The following DUS3L variants were observed in gnomAD, a reference collection of about 807,000 sequenced individuals.
The protein encoded by DUS3L is tRNA-dihydrouridine(47) synthase [NAD(P)(+)]-like.
DUS3L carries 62 observed loss-of-function variants against 74.6 expected under a neutral mutation model. The ratio of observed to expected loss-of-function variants is 0.83; its 90% CI spans 0.68 to 1.03. The LOEUF is 1.03. Ranked by LOEUF, DUS3L falls within the 50% of genes least tolerant of loss-of-function variation. DUS3L has a pLI of 0.00. For synonymous variants in DUS3L, 433 were observed against 395.7 expected (o/e 1.09, Z -1.12); for missense variants, 884 against 924.4 (o/e 0.96, Z 0.57).
chr19:5,788,561 T>C (rs2056877724), intron 3 of DUS3L, among the ~76,000 whole-genome samples, 163 bp from the exon 4 acceptor site: 1 of 152,128 alleles, frequency 6.6e-6, no homozygotes, highest in Admixed American at 6.6e-5. Context: ...ATCAGGAATG[T>C]TCCTTTCCTC....
chr19:5,788,015 G>C lies in DUS3L; in HGVS notation c.1095+9C>G. On this transcript the variant is annotated intron_variant, in intron 5 of 12. Transcript: ENST00000309061. The stretch of plus-strand genomic sequence containing the variant: ...CCTCCACTCTCCCTCCCTCGGGGTG[G>C]GCACTGACCTGGACGCCAAAGATGT... 6.2e-7 allele frequency: 1 copy of C among 1,611,982 alleles called. No homozygotes were observed. The highest frequency in any genetic ancestry group is 8.5e-7 in the Non-Finnish European group (1 of 1,179,768).
Position 5,785,406 on chromosome 19 carries a change from C to T in DUS3L, c.1857G>A (p.Lys619=). The T allele has an allele frequency of 6.3e-6, 10 of 1,595,762 alleles. No individual in the cohort carries two copies. The highest frequency in any genetic ancestry group is 7.7e-6 in the Non-Finnish European group (9 of 1,170,600). ...ACCTGATGCGGATCCAGTCGGCTGC[C>T]TTCTGGCTGGCCATCAGCGTCTCCA... ...DYLETLMASQ[K]AADWIRISEM... Residue 619 remains lysine, a synonymous_variant, in exon 12 of 13, where the codon AAG becomes AAA. Transcript: ENST00000309061.
At position 5,789,574 on chromosome 19, in the gene DUS3L, C is replaced by A; in HGVS notation, c.533G>T (p.Arg178Leu). The A allele has an allele frequency of 1.3e-6, 2 of 1,587,924 alleles. No homozygotes were observed. The highest frequency in any genetic ancestry group is 1.7e-6 in the Non-Finnish European group (2 of 1,170,182). ...FGRCPYGVTC[R>L]FAGAHLRPEG... ...GGGCCTCAGGTGGGCCCCAGCGAAGCGGCAGGTCACGCCGTAGGGGCACCG... is the reference window on the plus strand; with the variant it reads ...GGGCCTCAGGTGGGCCCCAGCGAAGAGGCAGGTCACGCCGTAGGGGCACCG... The change falls in exon 3 of 13, where the codon CGC (arginine) becomes CTC (leucine). Residue 178 changes from arginine to leucine, a missense_variant. Physicochemically the swap from Arg to Leu is moderately radical, Grantham distance 102 (BLOSUM62 -2). Coordinates refer to ENST00000309061, the MANE Select transcript of DUS3L (RefSeq NM_020175.3).
At position 5,787,100 on chromosome 19, in the gene DUS3L, C is replaced by T. The variant is rs1255162778; in HGVS notation, c.1350G>A (p.Leu450=). ...CGCCCCAGTCCCGCAGCTCGGGCAG[C>T]AGGCGGTGCGCCAGGTTCACACGCT... ...VQERVNLAHR[L]LPELRDWGVA... The change falls in exon 8 of 13, where the codon CTG becomes CTA. Residue 450 remains leucine, a synonymous_variant. Coordinates refer to ENST00000309061, the MANE Select transcript of DUS3L (RefSeq NM_020175.3). 9.7e-7 allele frequency: 1 copy of T among 1,033,732 alleles called. No individual in the cohort carries two copies. 64.0% of individuals were successfully genotyped at this position (1,033,732 alleles called of 1,614,324 possible).
At chr19:5,786,333 C>T in intron 10 of DUS3L, 134 bp downstream of exon 10, 1 of 814,594 alleles carries the variant, frequency 1.2e-6, no homozygotes, top group East Asian at 2.7e-5. Flanking sequence ...AGCTGCAACT[C>T]CTGACATCGC....
Position 5,789,729 on chromosome 19 carries a change from A to G in DUS3L, c.388-10T>C. ...ACTTAGCAGCCGACTCCTGCGAGGA[A>G]ACAGGGAAGCAGTGAGGGAGGACAG... On this transcript the variant is annotated splice_polypyrimidine_tract_variant and intron_variant, in intron 2 of 12. Transcript: ENST00000309061. The G allele has an allele frequency of 6.3e-7, 1 of 1,592,460 alleles. No homozygotes were observed. Among genetic ancestry groups the G allele is most frequent in the South Asian group, 1.1e-5 (1 of 88,012 alleles).
chr19:5,790,859 G>C (rs1390402082), intron 1 of DUS3L, 185 bp downstream of exon 1: 1 of 629,460 alleles, frequency 1.6e-6, no homozygotes, highest in Non-Finnish European at 2.8e-6. Context: ...GCATGTGACA[G>C]GCCCCAACGT....
chr19:5,789,235 A>C lies in DUS3L; in HGVS notation c.872T>G (p.Val291Gly), dbSNP rs777443195. 13 of 1,562,734 alleles carry C rather than the reference A, an allele frequency of 8.3e-6. No homozygotes were observed. The highest frequency in any genetic ancestry group is 9.5e-6 in the Non-Finnish European group (11 of 1,157,820). The change falls in exon 3 of 13, where the codon GTC becomes GGC. Residue 291 changes from valine to glycine, a missense_variant. Physicochemically the swap from Val to Gly is moderately radical, Grantham distance 109. Transcript: ENST00000309061. Reference protein sequence around the residue: ...TCGPLTDEDVVRLRPCEKKRL... With the variant: ...TCGPLTDEDVGRLRPCEKKRL... ...CTTCTTCTCACAGGGCCGCAGCCTG[A>C]CCACGTCCTCATCCGTCAGGGGCCC...
At position 5,786,469 on chromosome 19, in the gene DUS3L, G is replaced by T; in HGVS notation, c.1560C>A (p.Ala520=). ...MQTGVTGIMI[A]RGALLKPWLF... Reference sequence around the variant, plus strand: ...CTCTAACATCCCTGGGCACTTACCGGGCAATCATGATCCCGGTGACACCAG... The same window carrying T: ...CTCTAACATCCCTGGGCACTTACCGTGCAATCATGATCCCGGTGACACCAG... The change falls in exon 10 of 13, where the codon GCC becomes GCA. Residue 520 remains alanine, a splice_region_variant and synonymous_variant. Transcript: ENST00000309061. 1 of 1,612,688 alleles carries T rather than the reference G, an allele frequency of 6.2e-7. No individual in the cohort carries two copies. Among genetic ancestry groups the T allele is most frequent in the Non-Finnish European group, 8.5e-7 (1 of 1,179,830 alleles).
In DUS3L at chr19:5,790,323, G is replaced by A. The variant is rs754462334; in HGVS notation, c.111C>T (p.Thr37=). ...VAPIKRQYLT[T]KEQFHQFLEA... is the part of the protein sequence containing the mutation. ...CCAGGAATTGGTGAAACTGCTCCTT[G>A]GTGGTGAGGTATCTGCCGACAGAAA... Residue 37 remains threonine, a synonymous_variant, in exon 2 of 13, where the codon ACC becomes ACT. Transcript: ENST00000309061. 5.0e-6 allele frequency: 8 copies of A among 1,613,926 alleles called. No homozygotes were observed. In the Admixed American group the frequency reaches 1.3e-4, roughly 27 times the overall value.
At chr19:5,788,234 C>T (rs2056874420) in intron 4 of DUS3L, 58 bp from the exon 5 acceptor site, 1 of 1,562,880 alleles carries the variant, frequency 6.4e-7, no homozygotes, top group South Asian at 1.1e-5. Flanking sequence ...CACACACACA[C>T]AGCAGAACCC....
In DUS3L at chr19:5,786,458, G is replaced by C. The variant is rs367982823; in HGVS notation, c.1562+9C>G. ...TGAAGCTGGATCTCTAACATCCCTG[G>C]GCACTTACCGGGCAATCATGATCCC... On this transcript the variant is annotated intron_variant, in intron 10 of 12. Coordinates refer to ENST00000309061, the MANE Select transcript of DUS3L (RefSeq NM_020175.3). 1.2e-6 allele frequency: 2 copies of C among 1,612,118 alleles called. No homozygotes were observed. Among genetic ancestry groups the C allele is most frequent in the African/African-American group, 1.3e-5 (1 of 74,888 alleles).
intron 10 of DUS3L, 48 bp from the exon 11 acceptor site, chr19:5,785,839 G>A: frequency 6.6e-7 from 1 of 1,507,752 alleles, no homozygotes; most frequent in Non-Finnish European, 8.9e-7. Context: ...GCCTGCCTGG[G>A]ATCGTGTGGC....
chr19:5,788,329 C>A (rs969844889), intron 4 of DUS3L, 28 bp downstream of exon 4: 2 of 1,613,594 alleles, frequency 1.2e-6, no homozygotes, highest in South Asian at 2.2e-5. Context: ...ACCCTGCCAC[C>A]CGACCAGCCA....
intron 12 of DUS3L, 43 bp from the exon 13 acceptor site, chr19:5,785,318 G>C (rs745590266): frequency 1.6e-5 from 25 of 1,609,192 alleles, no homozygotes; most frequent in Middle Eastern, 3.3e-4. Context: ...CCCAGGACCT[G>C]CAAAGTACCC....
At position 5,790,043 on chromosome 19, in the gene DUS3L, T is replaced by C; in HGVS notation, c.387+4A>G. 1 of 1,611,422 alleles carries C rather than the reference T, an allele frequency of 6.2e-7. No individual in the cohort carries two copies. On this transcript the variant is annotated splice_donor_region_variant and intron_variant, in intron 2 of 12. Coordinates refer to ENST00000309061, the MANE Select transcript of DUS3L (RefSeq NM_020175.3). ...GGCAGGAATGCTCACGTGGCCGCAC[T>C]TGCCTGGATTAGGGAGGGACACAGC...
At position 5,787,109 on chromosome 19, in the gene DUS3L, C is replaced by A. The variant is rs751159552; in HGVS notation, c.1341G>T (p.Ala447=). ...RTGVQERVNL[A]HRLLPELRDW... is the part of the protein sequence containing the mutation. Reference sequence around the variant, plus strand: ...CCCGCAGCTCGGGCAGCAGGCGGTGCGCCAGGTTCACACGCTCCTGGACGC... The same window carrying A: ...CCCGCAGCTCGGGCAGCAGGCGGTGAGCCAGGTTCACACGCTCCTGGACGC... The change falls in exon 8 of 13, where the codon GCG becomes GCT. Residue 447 remains alanine, a synonymous_variant. Coordinates refer to ENST00000309061, the MANE Select transcript of DUS3L (RefSeq NM_020175.3). The A allele has an allele frequency of 1.0e-6, 1 of 974,172 alleles. No individual in the cohort carries two copies. The highest frequency in any genetic ancestry group is 2.8e-5 in the South Asian group (1 of 35,896). 60.3% of individuals were successfully genotyped at this position (974,172 alleles called of 1,614,324 possible).
intron 3 of DUS3L, 64 bp downstream of exon 3, chr19:5,789,143 C>G (rs2056883326): frequency 6.7e-7 from 1 of 1,493,794 alleles, no homozygotes; most frequent in African/African-American, 1.4e-5. Flanking sequence ...GTGGACACAG[C>G]TGGTATTTAA....
At chr19:5,787,886 G>A in intron 5 of DUS3L, 138 bp downstream of exon 5, 1 of 1,447,826 alleles carries the variant, frequency 6.9e-7, no homozygotes, top group Non-Finnish European at 9.3e-7. Flanking sequence ...AGCCCCCAGA[G>A]GTGGATCAGG....
Sources: gnomAD v4.1 joint callset for allele counts (sites outside exome capture counted in the v4.1 genomes callset) on GRCh38, gnomAD v4.1.1 for gene constraint, MANE v1.5 for transcripts, NCBI Gene and HGNC (gene_info 2026-07-23, HGNC 2026-07-21) for gene names.